The following QTMAN variants were observed in gnomAD, a reference collection of about 807,000 sequenced individuals.
QTMAN encodes tRNA-queuosine alpha-mannosyltransferase.
the QTMAN span, among the ~76,000 whole-genome samples, chr2:144,045,824 G>T: frequency 6.6e-6 from 1 of 152,200 alleles, no homozygotes; most frequent in Admixed American, 6.5e-5. Context: ...ACAGCAAACA[G>T]AGAAGATCCT....
chr2:144,034,397 A>C, the QTMAN span, among the ~76,000 whole-genome samples: 8 of 152,088 alleles, frequency 5.3e-5, no homozygotes, highest in African/African-American at 1.7e-4. Context: ...TGCCATAGGG[A>C]TGATTCTATC....
At chr2:144,115,545 G>A in the QTMAN span, among the ~76,000 whole-genome samples, 2 of 152,182 alleles carry the variant, frequency 1.3e-5, no homozygotes, top group African/African-American at 2.4e-5. Context: ...GATCCACCAG[G>A]ACATCGCTCC....
the QTMAN span, among the ~76,000 whole-genome samples, chr2:144,160,320 C>T: frequency 6.6e-6 from 1 of 152,024 alleles, no homozygotes. Context: ...GAGATATGGT[C>T]CTAAAGTTAC....
At chr2:144,246,601 A>AT in the QTMAN span, among the ~76,000 whole-genome samples, 17 of 150,660 alleles carry the variant, frequency 1.1e-4, no homozygotes, top group African/African-American at 4.1e-4. Context: ...AAAAAAAAAA[A>AT]AGAAAAGAAA....
chr2:144,197,345 G>A, the QTMAN span, among the ~76,000 whole-genome samples: 1 of 151,734 alleles, frequency 6.6e-6, no homozygotes, highest in Non-Finnish European at 1.5e-5. Flanking sequence ...GTAGATATAT[G>A]TATGTGTGTA....
At chr2:143,951,910 GTTTT>G in the QTMAN span, 2 of 757,704 alleles carry the variant, frequency 2.6e-6, no homozygotes, top group South Asian at 1.6e-5. Flanking sequence ...TTAATTAAAT[GTTTT>G]TTTTTAAGAT....
At chr2:144,010,382 T>C in the QTMAN span, among the ~76,000 whole-genome samples, 2 of 152,038 alleles carry the variant, frequency 1.3e-5, no homozygotes, top group African/African-American at 4.8e-5. Context: ...TCATAGTGAA[T>C]AGGGACATGG....
At chr2:144,099,856 A>G in the QTMAN span, among the ~76,000 whole-genome samples, 1 of 152,362 alleles carries the variant, frequency 6.6e-6, no homozygotes, top group Non-Finnish European at 1.5e-5. Context: ...CACAGAATCT[A>G]TCACCTACAG....
chr2:144,296,663 G>C, the QTMAN span, among the ~76,000 whole-genome samples: 2 of 152,032 alleles, frequency 1.3e-5, no homozygotes, highest in Admixed American at 1.3e-4. Flanking sequence ...AAATTACCCC[G>C]ATTTCTGAAT....
At chr2:143,981,507 G>A in the QTMAN span, among the ~76,000 whole-genome samples, 3 of 152,126 alleles carry the variant, frequency 2.0e-5, no homozygotes, top group African/African-American at 7.2e-5. Context: ...CTTAATTTGA[G>A]AAGAAAAACC....
chr2:144,216,194 T>C, the QTMAN span, among the ~76,000 whole-genome samples: 1 of 152,200 alleles, frequency 6.6e-6, no homozygotes, highest in Admixed American at 6.5e-5. Flanking sequence ...AAATTTCTGC[T>C]CATGAATCAC....
chr2:144,212,924 A>T, the QTMAN span, among the ~76,000 whole-genome samples: 1 of 152,222 alleles, frequency 6.6e-6, no homozygotes, highest in Non-Finnish European at 1.5e-5. Flanking sequence ...GCTGTGACAT[A>T]GAAATTTCAT....
At chr2:143,992,268 GC>G in the QTMAN span, among the ~76,000 whole-genome samples, 2 of 149,244 alleles carry the variant, frequency 1.3e-5, no homozygotes, top group Non-Finnish European at 3.0e-5. Context: ...CATGTGCTGT[GC>G]CCACTCAGGG....
chr2:144,032,504 T>C, the QTMAN span, among the ~76,000 whole-genome samples: 1 of 152,154 alleles, frequency 6.6e-6, no homozygotes, highest in Non-Finnish European at 1.5e-5. Context: ...GTCATGAAAA[T>C]CATAGTATCC....
the QTMAN span, among the ~76,000 whole-genome samples, chr2:144,252,944 A>G: frequency 6.6e-6 from 1 of 152,210 alleles, no homozygotes. Flanking sequence ...CAAACCACAA[A>G]AAGACACGGA....
the QTMAN span, among the ~76,000 whole-genome samples, chr2:144,038,871 A>G: frequency 1.1e-4 from 17 of 152,232 alleles, no homozygotes; most frequent in Non-Finnish European, 2.1e-4. Context: ...AATATTAAAC[A>G]CAACATGTAG....
the QTMAN span, among the ~76,000 whole-genome samples, chr2:144,076,649 T>A: frequency 6.6e-6 from 1 of 152,186 alleles, no homozygotes; most frequent in Non-Finnish European, 1.5e-5. Context: ...ATTTTTCACA[T>A]TACTTTGGGG....
chr2:144,053,619 C>T, the QTMAN span, among the ~76,000 whole-genome samples: 1 of 152,192 alleles, frequency 6.6e-6, no homozygotes, highest in Non-Finnish European at 1.5e-5. Flanking sequence ...TGTTTCCATG[C>T]TTATTCTCAG....
At chr2:143,999,468 G>A in the QTMAN span, among the ~76,000 whole-genome samples, 2 of 151,822 alleles carry the variant, frequency 1.3e-5, no homozygotes, top group African/African-American at 4.8e-5. Context: ...AGAGAAGTTA[G>A]GTCTACTAGG....
Sources: allele counts gnomAD v4.1 joint callset (sites outside exome capture counted in the v4.1 genomes callset), GRCh38; gene constraint gnomAD v4.1.1; transcripts MANE v1.5; gene names NCBI Gene and HGNC (gene_info 2026-07-23, HGNC 2026-07-21).